BCAT1: variants seen among roughly 807,000 people sequenced by gnomAD.
BCAT1 encodes the protein branched-chain-amino-acid aminotransferase, cytosolic.
BCAT1 carries 48 observed loss-of-function variants against 52.4 expected under a neutral mutation model. That is an observed-to-expected ratio of 0.92 (90% confidence interval 0.73 to 1.16). The LOEUF is 1.16. BCAT1 is among the 50% of genes most tolerant of loss of function. The probability of loss-of-function intolerance (pLI) is 0.00; values close to 1 mark genes in which losing one functional copy is unlikely to be tolerated. For synonymous variants in BCAT1, 167 were observed against 161.3 expected (o/e 1.04, Z -0.27); for missense variants, 451 against 457.1 (o/e 0.99, Z 0.12).
chr12:24,881,319 A>G lies in BCAT1; in HGVS notation c.372T>C (p.Ala124=). 6.2e-7 allele frequency: 1 copy of G among 1,611,864 alleles called. No individual in the cohort carries two copies. The change falls in exon 4 of 11, where the codon GCT becomes GCC. Residue 124 remains alanine (A), a synonymous_variant. Transcript: ENST00000261192. The stretch of plus-strand genomic sequence containing the variant: ...TACATACCGGCAGAGTTGCCCTCAC[A>G]GCAGAGCGATACATTCTATCCATGT... The part of the protein sequence containing the change: ...NLNMDRMYRS[A]VRATLPVFDK...
At chr12:24,878,144 C>CAA (rs923772069) in intron 5 of BCAT1, among the ~76,000 whole-genome samples, 2 of 70,736 alleles carry the variant, frequency 2.8e-5, no homozygotes, top group Non-Finnish European at 6.0e-5. Context: ...ACAACGTGGG[C>CAA]AAAAAAAAAA....
intron 5 of BCAT1, among the ~76,000 whole-genome samples, chr12:24,850,499 T>C (rs1202839414): frequency 6.6e-6 from 1 of 152,198 alleles, no homozygotes; most frequent in Non-Finnish European, 1.5e-5. Context: ...AACAGAGGGA[T>C]AAGTACTGTT....
At chr12:24,929,787 A>G (rs1943651265) in intron 1 of BCAT1, among the ~76,000 whole-genome samples, 1 of 152,196 alleles carries the variant, frequency 6.6e-6, no homozygotes, top group East Asian at 1.9e-4. Context: ...TCTGTAGCTC[A>G]GGAATACTAT....
intron 5 of BCAT1, among the ~76,000 whole-genome samples, chr12:24,869,056 G>T (rs1464106665): frequency 2.0e-5 from 3 of 152,150 alleles, no homozygotes; most frequent in Non-Finnish European, 4.4e-5. Flanking sequence ...CTATGAAAAG[G>T]TACTCAACAT....
intron 1 of BCAT1, among the ~76,000 whole-genome samples, chr12:24,905,688 T>C (rs1433801220): frequency 6.6e-6 from 1 of 152,216 alleles, no homozygotes; most frequent in Non-Finnish European, 1.5e-5. Context: ...GTAGTCACTG[T>C]ACTTACTAGT....
intron 1 of BCAT1, among the ~76,000 whole-genome samples, chr12:24,943,812 G>A (rs905040251): frequency 6.6e-5 from 10 of 150,604 alleles, no homozygotes; most frequent in Admixed American, 1.3e-4. Flanking sequence ...GTGAAACCCC[G>A]TCTCTACAAA....
At chr12:24,824,581 T>G (rs940746344) in intron 10 of BCAT1, among the ~76,000 whole-genome samples, 6 of 152,200 alleles carry the variant, frequency 3.9e-5, no homozygotes, top group African/African-American at 1.4e-4. Flanking sequence ...ATTACAGGAA[T>G]GAGCCATCAT....
At chr12:24,836,800 A>G (rs1264604769) in intron 7 of BCAT1, among the ~76,000 whole-genome samples, 1 of 126,338 alleles carries the variant, frequency 7.9e-6, no homozygotes. Flanking sequence ...GAAGGAAGGA[A>G]GGAAAGAAGG....
intron 3 of BCAT1, among the ~76,000 whole-genome samples, chr12:24,889,475 G>C (rs1268125128): frequency 6.6e-6 from 1 of 152,194 alleles, no homozygotes; most frequent in Non-Finnish European, 1.5e-5. Context: ...TCAAGAAGTG[G>C]AGTGCTTTTT....
At chr12:24,935,447 T>C (rs1222739304) in intron 1 of BCAT1, among the ~76,000 whole-genome samples, 1 of 152,102 alleles carries the variant, frequency 6.6e-6, no homozygotes, top group Non-Finnish European at 1.5e-5. Context: ...CCATACCCCG[T>C]CAGACCCCTA....
intron 1 of BCAT1, among the ~76,000 whole-genome samples, chr12:24,909,124 A>G (rs868271443): frequency 6.6e-6 from 1 of 152,160 alleles, no homozygotes; most frequent in Non-Finnish European, 1.5e-5. Flanking sequence ...ATTATGTGAG[A>G]GAAACCTTAA....
intron 5 of BCAT1, among the ~76,000 whole-genome samples, chr12:24,857,490 C>A (rs1941724628): frequency 6.6e-6 from 1 of 152,192 alleles, no homozygotes. Flanking sequence ...ATCTATCTAT[C>A]TATCTATCTG....
At chr12:24,887,084 T>A (rs865949057) in intron 3 of BCAT1, among the ~76,000 whole-genome samples, 4,663 of 26,598 alleles carry the variant, frequency 0.18, 171 homozygotes, top group African/African-American at 0.26. Context: ...AAAAAAAATA[T>A]ATATATATAT....
chr12:24,900,345 G>C lies in BCAT1; in HGVS notation c.78+1469C>G, dbSNP rs190900009. On this transcript the variant is annotated intron_variant, in intron 2 of 10. Transcript: ENST00000261192. ...CTTATGCCTGTGACCCAGCATTTTG[G>C]GAGGCCGAGGTGGGAGGGTTGCACA... is the stretch of plus-strand genomic sequence containing the variant. 3.8e-3 allele frequency among the ~76,000 whole-genome samples: 575 copies of C among 152,308 alleles called. 12 individuals carry two copies. Among genetic ancestry groups the C allele is most frequent in the East Asian group, 0.022 (113 of 5,186 alleles).
At chr12:24,889,888 AG>A (rs1414334230) in intron 3 of BCAT1, among the ~76,000 whole-genome samples, 2 of 152,178 alleles carry the variant, frequency 1.3e-5, no homozygotes, top group African/African-American at 4.8e-5. Flanking sequence ...CTCATACCCC[AG>A]GGGAAGGAAT....
intron 5 of BCAT1, among the ~76,000 whole-genome samples, chr12:24,855,667 T>C (rs1490886503): frequency 1.3e-5 from 2 of 152,190 alleles, no homozygotes; most frequent in Non-Finnish European, 2.9e-5. Context: ...AGGCGTGAAC[T>C]ACCACGCCTG....
intron 5 of BCAT1, among the ~76,000 whole-genome samples, chr12:24,854,388 ATT>A (rs5797106): frequency 3.3e-5 from 5 of 151,956 alleles, no homozygotes; most frequent in East Asian, 1.9e-4. Flanking sequence ...AAGCAAGACA[ATT>A]TTTTTTTTAA....
intron 10 of BCAT1, 97 bp downstream of exon 10, chr12:24,829,726 A>G: frequency 1.0e-6 from 1 of 999,402 alleles, no homozygotes; most frequent in South Asian, 1.7e-5. Context: ...AATCCTCTTC[A>G]TTGAAATATA....
In BCAT1 at chr12:24,825,866, C is replaced by T. The variant is rs147045365; in HGVS notation, c.1119+3957G>A. On this transcript the variant is annotated intron_variant, in intron 10 of 10. Coordinates refer to ENST00000261192, the MANE Select transcript of BCAT1 (RefSeq NM_005504.7). ...AGAAGCTTTCCAGCTTGACATAATC[C>T]CAATTGCCTATTTTTGCTTTGATAG... is the stretch of plus-strand genomic sequence containing the variant. Among the ~76,000 whole-genome samples the T allele has an allele frequency of 2.5e-3, 376 of 152,152 alleles. 2 individuals are homozygous for T. Among genetic ancestry groups the T allele is most frequent in the African/African-American group, 7.9e-3 (326 of 41,500 alleles).
Sources: allele counts gnomAD v4.1 joint callset (sites outside exome capture counted in the v4.1 genomes callset), GRCh38; gene constraint gnomAD v4.1.1; transcripts MANE v1.5; gene names NCBI Gene and HGNC (gene_info 2026-07-23, HGNC 2026-07-21).